STK11: variants seen among roughly 807,000 people sequenced by gnomAD.
The protein encoded by STK11 is serine/threonine-protein kinase STK11.
STK11 carries 8 observed loss-of-function variants against 47.3 expected under a neutral mutation model. That is an observed-to-expected ratio of 0.17 (90% CI 0.10 to 0.31). The LOEUF is 0.31. STK11 is among the 10% of genes least tolerant of loss of function. The pLI, the probability that STK11 is intolerant of heterozygous loss-of-function variation, is 1.00. For missense variants in STK11, 475 were observed against 605.0 expected, an observed-to-expected ratio of 0.79 and a Z score of 2.25; for synonymous variants, 330 against 255.8, an observed-to-expected ratio of 1.29 and a Z score of -2.77.
chr19:1,222,743 C>G (rs910751125), intron 7 of STK11, among the ~76,000 whole-genome samples: 4 of 152,200 alleles, frequency 2.6e-5, no homozygotes, highest in African/African-American at 9.6e-5. Flanking sequence ...GTGCTGGCTT[C>G]TGAGTGCCAC....
chr19:1,223,569 G>A, intron 8 of STK11: 1 of 1,078,272 alleles, frequency 9.3e-7, no homozygotes, highest in Non-Finnish European at 1.1e-6. Flanking sequence ...AGAGGGTCCA[G>A]TGGCCCTCCC....
At chr19:1,221,167 A>C (rs369133666) in intron 5 of STK11, 46 bp from the exon 6 acceptor site, 1 of 1,605,960 alleles carries the variant, frequency 6.2e-7, no homozygotes, top group Non-Finnish European at 8.5e-7. Flanking sequence ...TAGGGCGTCA[A>C]CCACCTTGAC....
At chr19:1,226,815 C>G (rs1480156239) in intron 9 of STK11, 152 bp downstream of exon 9, 1 of 959,734 alleles carries the variant, frequency 1.0e-6, no homozygotes, top group Non-Finnish European at 1.5e-6. Flanking sequence ...GGCCACGTAG[C>G]GATCCCCGTG....
At chr19:1,218,348 G>T in intron 1 of STK11, 69 bp from the exon 2 acceptor site, 2 of 1,316,190 alleles carry the variant, frequency 1.5e-6, no homozygotes, top group South Asian at 2.4e-5. Flanking sequence ...TGGGGAGGCC[G>T]ACTCCAGGGA....
Position 1,227,830 on chromosome 19 carries a change from G to A in STK11, c.*254G>A, listed in dbSNP as rs774153844. 36 of 1,071,058 alleles carry A rather than the reference G, an allele frequency of 3.4e-5. No homozygotes were observed. In the African/African-American group the frequency reaches 5.4e-4, roughly 16 times the overall value. The allele number at this position is 1,071,058 out of a possible 1,614,324, so 66.3% of individuals were successfully genotyped here. On this transcript the variant is annotated 3_prime_UTR_variant, in exon 10 of 10. Coordinates refer to ENST00000326873, the MANE Select transcript of STK11 (RefSeq NM_000455.5). ...TCGCAGCCCCGGGCGGAGCCTTCCC[G>A]GGCGGGCGTGGGAGGAGGGAGGCGG...
intron 7 of STK11, 124 bp from the exon 8 acceptor site, chr19:1,222,861 T>C: frequency 8.5e-7 from 1 of 1,176,460 alleles, no homozygotes; most frequent in Non-Finnish European, 1.2e-6. Context: ...CAGCCACCCC[T>C]TGCACGGCCT....
At chr19:1,224,056 G>C in intron 8 of STK11, 1 of 1,001,814 alleles carries the variant, frequency 1.0e-6, no homozygotes, top group African/African-American at 1.7e-5. Context: ...AGAATAGTGG[G>C]GGCCCTGCAG....
At chr19:1,226,355 G>A (rs2080820644) in intron 8 of STK11, 99 bp from the exon 9 acceptor site, 2 of 1,527,158 alleles carry the variant, frequency 1.3e-6, no homozygotes, top group African/African-American at 1.4e-5. Context: ...GGCCTGGGCA[G>A]CAGCTGTAAG....
In STK11 at chr19:1,225,341, C is replaced by T. The variant is rs557750360; in HGVS notation, c.1109-1113C>T. ...AGGCTGGAGTGCTGTGGTGCGATCT[C>T]GGCTCACTGCAACCTCCACCTCCCG... On this transcript the variant is annotated intron_variant, in intron 8 of 9. Transcript: ENST00000326873. 7.5e-5 allele frequency: 71 copies of T among 946,596 alleles called. No homozygotes were observed. The South Asian group carries it at 1.3e-3, about 17-fold the overall frequency. 58.6% of individuals were successfully genotyped at this position (946,596 alleles called of 1,614,324 possible).
chr19:1,222,014 G>A lies in STK11; in HGVS notation c.920+8G>A, dbSNP rs1286942236. The A allele has an allele frequency of 6.4e-7, 1 of 1,564,996 alleles. No homozygotes were observed. The highest frequency in any genetic ancestry group is 8.7e-7 in the Non-Finnish European group (1 of 1,155,550). On this transcript the variant is annotated splice_region_variant and intron_variant, in intron 7 of 9. Transcript: ENST00000326873. ...GCAGATCCGGCAGCACAGGTGAGCG[G>A]CCCCTGGGGGCAGTGGGGCCGAGGC...
chr19:1,212,973 C>T (rs926462034), intron 1 of STK11, among the ~76,000 whole-genome samples: 1 of 146,754 alleles, frequency 6.8e-6, no homozygotes, highest in African/African-American at 2.5e-5. Flanking sequence ...AGCCATAGTA[C>T]TGGGCCTAAA....
At chr19:1,213,042 G>C (rs2080722433) in intron 1 of STK11, among the ~76,000 whole-genome samples, 1 of 139,872 alleles carries the variant, frequency 7.1e-6, no homozygotes, top group Non-Finnish European at 1.5e-5. Context: ...TGTCACCCAG[G>C]CTGGAGTGCA....
At position 1,223,175 on chromosome 19, in the gene STK11, G is replaced by A. The variant is rs755746417; in HGVS notation, c.1108+3G>A. ...CACTCAGGACTTCACGGTGCCCGGT[G>A]AGTCTGGCGGGGGCCCCTGCCCGGC... On this transcript the variant is annotated splice_donor_region_variant and intron_variant, in intron 8 of 9. Transcript: ENST00000326873. 16 of 1,609,402 alleles carry A rather than the reference G, an allele frequency of 9.9e-6. No individual in the cohort carries two copies. Among genetic ancestry groups the A allele is most frequent in the Middle Eastern group, 3.3e-4 (2 of 6,050 alleles).
At chr19:1,221,726 G>A (rs375671923) in intron 6 of STK11, 21 of 612,296 alleles carry the variant, frequency 3.4e-5, no homozygotes, top group South Asian at 8.0e-5. Context: ...CGCCCTGGCC[G>A]TCCAGCCCAG....
intron 1 of STK11, among the ~76,000 whole-genome samples, chr19:1,213,084 C>T (rs887071563): frequency 1.6e-4 from 23 of 148,084 alleles, no homozygotes; most frequent in African/African-American, 5.2e-4. Context: ...GCAAGCTCTG[C>T]CTCCCGGGTT....
At position 1,227,928 on chromosome 19, in the gene STK11, CCGGCGGCCCCGCCG is replaced by C. The variant is rs1568720618; in HGVS notation, c.*354_*367del. 1 of 1,070,010 alleles carries C rather than the reference CCGGCGGCCCCGCCG, an allele frequency of 9.3e-7. No homozygotes were observed. The highest frequency in any genetic ancestry group is 1.6e-5 in the African/African-American group (1 of 61,046). The allele number at this position is 1,070,010 out of a possible 1,614,324, so 66.3% of individuals were successfully genotyped here. A position where few individuals can be genotyped will look rare whatever the true frequency, so the allele number is the denominator to read the frequency against. On this transcript the variant is annotated 3_prime_UTR_variant, in exon 10 of 10. Coordinates refer to ENST00000326873, the MANE Select transcript of STK11 (RefSeq NM_000455.5). ...TGCTCCGCAGGGCGCCCAGCGCCGTCCGGCGGCCCCGCCGCAGACCAGCTGGCGGGTGTGGAGAC... is the reference window on the plus strand; with the variant it reads ...TGCTCCGCAGGGCGCCCAGCGCCGTCCAGACCAGCTGGCGGGTGTGGAGAC...
chr19:1,221,580 G>A (rs912196883), intron 6 of STK11: 10 of 632,602 alleles, frequency 1.6e-5, no homozygotes, highest in African/African-American at 9.2e-5. Flanking sequence ...GCTGCCCTGC[G>A]CCTCCCCCAG....
chr19:1,208,856 C>T (rs113467487), intron 1 of STK11, among the ~76,000 whole-genome samples: 3,199 of 149,068 alleles, frequency 0.021, 68 homozygotes, highest in East Asian at 0.13. Context: ...CTTCTGACCT[C>T]GTGATCCACC....
intron 9 of STK11, 61 bp from the exon 10 acceptor site, chr19:1,227,532 C>T (rs1332996776): frequency 1.9e-6 from 2 of 1,061,676 alleles, no homozygotes; most frequent in Admixed American, 5.4e-5. Flanking sequence ...TCCCAGGGGC[C>T]CGCGGGAGGC....
Sources: gnomAD v4.1 joint callset for allele counts (sites outside exome capture counted in the v4.1 genomes callset) on GRCh38, gnomAD v4.1.1 for gene constraint, MANE v1.5 for transcripts, NCBI Gene and HGNC (gene_info 2026-07-23, HGNC 2026-07-21) for gene names.